Variants in CAPN13 observed in about 807,000 individuals in gnomAD.
CAPN13 encodes the protein calpain-13.
A neutral mutation model predicts 98.4 loss-of-function variants in CAPN13; 90 were observed. The observed-to-expected ratio is 0.92, with a 90% CI of 0.77 to 1.09. The LOEUF is 1.09. CAPN13 is among the 50% of genes least tolerant of loss of function. The pLI is 0.00. For synonymous variants in CAPN13, 330 were observed against 305.5 expected (o/e 1.08, Z -0.84); for missense variants, 887 against 841.3 (o/e 1.05, Z -0.67).
intron 1 of CAPN13, among the ~76,000 whole-genome samples, chr2:30,797,990 G>A (rs1030842151): frequency 2.0e-5 from 3 of 152,226 alleles, no homozygotes; most frequent in African/African-American, 7.2e-5. Context: ...GGATATGAAC[G>A]CAAAGGAAGA....
chr2:30,741,692 T>C, intron 15 of CAPN13: 2 of 1,404,140 alleles, frequency 1.4e-6, no homozygotes, highest in Admixed American at 2.9e-5. Context: ...CATTCCAGCT[T>C]GAAGTCCCCC....
intron 5 of CAPN13, among the ~76,000 whole-genome samples, chr2:30,767,454 G>T (rs541505436): frequency 6.6e-6 from 1 of 152,290 alleles, no homozygotes; most frequent in South Asian, 2.1e-4. Context: ...TGGGGTCAAA[G>T]TCATCATGTC....
chr2:30,764,723 G>A (rs1263762237), intron 5 of CAPN13, among the ~76,000 whole-genome samples: 1 of 152,140 alleles, frequency 6.6e-6, no homozygotes, highest in Non-Finnish European at 1.5e-5. Context: ...TTATTATGTT[G>A]AGTAACTCCT....
intron 7 of CAPN13, 39 bp downstream of exon 7, chr2:30,763,043 G>A: frequency 5.2e-6 from 8 of 1,541,402 alleles, no homozygotes; most frequent in Non-Finnish European, 6.2e-6. Flanking sequence ...CTGGGGCAGA[G>A]GCCAGGGGAG....
intron 5 of CAPN13, among the ~76,000 whole-genome samples, chr2:30,764,744 C>G (rs1265091905): frequency 1.3e-5 from 2 of 152,158 alleles, no homozygotes; most frequent in Non-Finnish European, 2.9e-5. Context: ...GCTTCCCATT[C>G]AGTTTAACAG....
chr2:30,746,119 G>C (rs541667237), intron 11 of CAPN13, among the ~76,000 whole-genome samples: 8 of 152,164 alleles, frequency 5.3e-5, no homozygotes, highest in African/African-American at 1.9e-4. Context: ...GGCTGGTCTT[G>C]AACTCCCGAC....
At chr2:30,735,125 C>T (rs140472461) in intron 18 of CAPN13, among the ~76,000 whole-genome samples, 381 of 152,278 alleles carry the variant, frequency 2.5e-3, no homozygotes, top group African/African-American at 7.2e-3. Context: ...AGGTGGCAAC[C>T]GGAACATATC....
intron 5 of CAPN13, 96 bp downstream of exon 5, chr2:30,770,217 C>A: frequency 1.3e-6 from 2 of 1,507,972 alleles, no homozygotes; most frequent in Non-Finnish European, 1.8e-6. Context: ...AGCCAGGTGG[C>A]AAAGGCTGCA....
chr2:30,751,067 T>C, intron 11 of CAPN13, 36 bp downstream of exon 11: 1 of 1,607,054 alleles, frequency 6.2e-7, no homozygotes, highest in Non-Finnish European at 8.5e-7. Context: ...TACACTAAAT[T>C]TCTACAAGGG....
intron 1 of CAPN13, among the ~76,000 whole-genome samples, chr2:30,806,964 C>A (rs1205911998): frequency 6.6e-6 from 1 of 152,288 alleles, no homozygotes; most frequent in Middle Eastern, 3.4e-3. Context: ...TCAATGTGTC[C>A]CTTACGGTGA....
intron 1 of CAPN13, 142 bp from the exon 2 acceptor site, chr2:30,787,499 C>G (rs535959846): frequency 1.7e-6 from 1 of 577,630 alleles, no homozygotes; most frequent in South Asian, 2.9e-5. Context: ...GTGGCACAGT[C>G]AGTGAGCCTG....
At chr2:30,757,256 T>C (rs955075899) in intron 8 of CAPN13, among the ~76,000 whole-genome samples, 7 of 152,216 alleles carry the variant, frequency 4.6e-5, no homozygotes, top group Non-Finnish European at 1.5e-5. Context: ...AAGTAACCTG[T>C]TGCGGCCCCT....
chr2:30,744,567 G>T (rs1671814346), intron 12 of CAPN13, among the ~76,000 whole-genome samples: 1 of 152,176 alleles, frequency 6.6e-6, no homozygotes, highest in Non-Finnish European at 1.5e-5. Context: ...GCATGCAGAG[G>T]TGTGTGGGCA....
At chr2:30,762,679 C>G (rs1161008863) in intron 7 of CAPN13, among the ~76,000 whole-genome samples, 1 of 152,160 alleles carries the variant, frequency 6.6e-6, no homozygotes, top group African/African-American at 2.4e-5. Context: ...GTCTTAAGAC[C>G]CTATATTTTG....
chr2:30,743,521 C>G lies in CAPN13; in HGVS notation c.1307G>C (p.Ser436Thr). 1 of 1,613,898 alleles carries G rather than the reference C, an allele frequency of 6.2e-7. No homozygotes were observed. The highest frequency in any genetic ancestry group is 8.5e-7 in the Non-Finnish European group (1 of 1,179,876). Residue 436 changes from serine to threonine, a missense_variant, in exon 13 of 23, where the codon AGC (serine) becomes ACC (threonine). Transcript: ENST00000295055. ...FFSSFRNTVQSSNNKFRRNFT... is the reference protein window; with the variant it reads ...FFSSFRNTVQTSNNKFRRNFT... Reference sequence around the variant, plus strand: ...GTTGCGGCGGAATTTATTATTTGAGCTTTGGACAGTGTTTCTGAACGAGGA... The same window carrying G: ...GTTGCGGCGGAATTTATTATTTGAGGTTTGGACAGTGTTTCTGAACGAGGA...
At chr2:30,795,717 C>A (rs952708832) in intron 1 of CAPN13, among the ~76,000 whole-genome samples, 1 of 152,022 alleles carries the variant, frequency 6.6e-6, no homozygotes, top group African/African-American at 2.4e-5. Flanking sequence ...TTCTTAACTC[C>A]TTTACAGTGT....
chr2:30,747,532 C>A (rs1380168606), intron 11 of CAPN13, among the ~76,000 whole-genome samples: 1 of 152,214 alleles, frequency 6.6e-6, no homozygotes, highest in Non-Finnish European at 1.5e-5. Flanking sequence ...AATGGCTCAT[C>A]CACCCTCATC....
chr2:30,759,169 C>A (rs1672688109), intron 7 of CAPN13, among the ~76,000 whole-genome samples: 1 of 147,116 alleles, frequency 6.8e-6, no homozygotes. Context: ...CTCCCTCCCT[C>A]GTTTTTCTCC....
chr2:30,734,492 T>G lies in CAPN13; in HGVS notation c.1755A>C (p.Gly585=), dbSNP rs553517326. 1.2e-5 allele frequency: 19 copies of G among 1,613,922 alleles called. No individual in the cohort carries two copies. The East Asian group carries it at 4.0e-4, about 34-fold the overall frequency. Residue 585 remains glycine (G), a synonymous_variant, in exon 19 of 23, where the codon GGA becomes GGC. Transcript: ENST00000295055. ...TCCACAAGTCCGAGCTCAGGAGGAC[T>G]CCAGGGCTTGTCTGAACCTTCTGGA... ...HVFQKVQTSP[G]VLLSSDLWKA...
Sources: gnomAD v4.1 joint callset for allele counts (sites outside exome capture counted in the v4.1 genomes callset) on GRCh38, gnomAD v4.1.1 for gene constraint, MANE v1.5 for transcripts, NCBI Gene and HGNC (gene_info 2026-07-23, HGNC 2026-07-21) for gene names.